The following CACNA2D4 variants were observed in gnomAD, a reference collection of about 807,000 sequenced individuals.
CACNA2D4 encodes the protein calcium voltage-gated channel auxiliary subunit alpha2delta 4, also known as voltage-dependent calcium channel subunit alpha-2/delta-4.
Under a neutral mutation model 163.8 loss-of-function variants are expected in CACNA2D4, and 157 were observed. That is an observed-to-expected ratio of 0.96 (90% CI 0.84 to 1.09). The LOEUF is 1.09. Ranked by LOEUF, CACNA2D4 falls within the 50% of genes least tolerant of loss-of-function variation. The pLI is 0.00. For missense variants in CACNA2D4, 1,410 were observed against 1,479.9 expected (o/e 0.95, Z 0.78); for synonymous variants, 598 against 586.9 (o/e 1.02, Z -0.27).
intron 29 of CACNA2D4, among the ~76,000 whole-genome samples, chr12:1,805,639 G>A (rs1863509415): frequency 6.6e-6 from 1 of 152,236 alleles, no homozygotes. Context: ...GGAGCGGGGT[G>A]GGGGTGGGGC....
chr12:1,864,334 C>T (rs1190815370), intron 18 of CACNA2D4, among the ~76,000 whole-genome samples: 1 of 152,184 alleles, frequency 6.6e-6, no homozygotes, highest in Non-Finnish European at 1.5e-5. Context: ...TACCACCGTC[C>T]CTTAGAGTTC....
intron 6 of CACNA2D4, 46 bp from the exon 7 acceptor site, chr12:1,887,115 C>T (rs1866167454): frequency 1.5e-6 from 2 of 1,366,158 alleles, no homozygotes. Context: ...GTGAGGCCAC[C>T]CCAGATCCCC....
At chr12:1,837,791 C>T (rs937073397) in intron 26 of CACNA2D4, among the ~76,000 whole-genome samples, 9 of 152,284 alleles carry the variant, frequency 5.9e-5, no homozygotes, top group South Asian at 2.1e-4. Flanking sequence ...CAAGTCTTCC[C>T]GAGCCCCACT....
Position 1,878,439 on chromosome 12 carries a change from C to T in CACNA2D4, c.1645-50G>A, listed in dbSNP as rs79680317. 0.018 allele frequency: 28,306 copies of T among 1,560,718 alleles called. 957 individuals carry two copies. The highest frequency in any genetic ancestry group is 0.14 in the African/African-American group (10,245 of 73,592). On this transcript the variant is annotated intron_variant, in intron 15 of 37. Coordinates refer to ENST00000382722, the MANE Select transcript of CACNA2D4 (RefSeq NM_172364.5). The surrounding 1 kb of genome is among the most constrained non-coding windows in gnomAD (Gnocchi z 4.6). ...CATTAGGCCTGCTGTTTGTGCTGGG[C>T]ATCTGGAGTTGGGCAGGGGTTTGGG...
At chr12:1,832,564 T>TA (rs1864681245) in intron 26 of CACNA2D4, among the ~76,000 whole-genome samples, 1 of 152,258 alleles carries the variant, frequency 6.6e-6, no homozygotes, top group South Asian at 2.1e-4. Flanking sequence ...GTTAAAGTCT[T>TA]ACTACTTTCA....
At position 1,799,676 on chromosome 12, in the gene CACNA2D4, G is replaced by C. The variant is rs1863244528; in HGVS notation, c.2994C>G (p.His998Gln). ...GATGGCCTCAGCTGGGCTACTTACAGTGATGGAAGACACTTTTGGCTGGCC... is the reference window on the plus strand; with the variant it reads ...GATGGCCTCAGCTGGGCTACTTACACTGATGGAAGACACTTTTGGCTGGCC... ...RGAEAKSVFH[H>Q]SHKHKKQDPL... Residue 998 changes from histidine (H) to glutamine (Q), a missense_variant and splice_region_variant, in exon 34 of 38, where the codon CAC (histidine) becomes CAG (glutamine). Physicochemically the swap from His to Gln is conservative, Grantham distance 24. Transcript: ENST00000382722. This position sits in a 1 kb window ranked among gnomAD's most constrained non-coding sequence, Gnocchi z 4.7. The C allele has an allele frequency of 6.4e-7, 1 of 1,570,968 alleles. No individual in the cohort carries two copies. Among genetic ancestry groups the C allele is most frequent in the Non-Finnish European group, 8.6e-7 (1 of 1,158,328 alleles).
intron 20 of CACNA2D4, among the ~76,000 whole-genome samples, chr12:1,856,591 T>C (rs948869476): frequency 1.3e-5 from 2 of 152,212 alleles, no homozygotes; most frequent in African/African-American, 4.8e-5. Flanking sequence ...CTTGTGCTTC[T>C]GCCAGACAGC....
Position 1,796,800 on chromosome 12 carries a change from G to A in CACNA2D4, c.3113+618C>T, listed in dbSNP as rs529139417. On this transcript the variant is annotated intron_variant, in intron 35 of 37. Coordinates refer to ENST00000382722, the MANE Select transcript of CACNA2D4 (RefSeq NM_172364.5). The stretch of plus-strand genomic sequence containing the variant: ...AGGAGGCCGCCGCATTCCCAGCGTG[G>A]GGGTCCTCCCGGGCTTGGGTGCGGG... Among the ~76,000 whole-genome samples, 8 of 152,316 alleles carry A rather than the reference G, an allele frequency of 5.3e-5. No homozygotes were observed. In the East Asian group the frequency reaches 1.4e-3, roughly 26 times the overall value.
At chr12:1,890,641 G>T (rs1446205891) in intron 6 of CACNA2D4, among the ~76,000 whole-genome samples, 1 of 152,124 alleles carries the variant, frequency 6.6e-6, no homozygotes, top group East Asian at 1.9e-4. Context: ...AGCCACTGCT[G>T]CCCCAACCCG....
chr12:1,915,636 C>A (rs1451284816), intron 1 of CACNA2D4, among the ~76,000 whole-genome samples: 1 of 152,240 alleles, frequency 6.6e-6, no homozygotes, highest in East Asian at 1.9e-4. Flanking sequence ...GAGGGCAGGG[C>A]AGGCCAGGAG....
Position 1,907,864 on chromosome 12 carries a change from G to A in CACNA2D4, c.649+11C>T, listed in dbSNP as rs1381606863. On this transcript the variant is annotated intron_variant, in intron 5 of 37. Coordinates refer to ENST00000382722, the MANE Select transcript of CACNA2D4 (RefSeq NM_172364.5). ...CCTGGTGAGTGTGCCTGAGCTGAGCGTGCCGGCTACCTTTGTTGTACACGT... is the reference window on the plus strand; with the variant it reads ...CCTGGTGAGTGTGCCTGAGCTGAGCATGCCGGCTACCTTTGTTGTACACGT... The A allele has an allele frequency of 1.9e-6, 3 of 1,613,906 alleles. No individual in the cohort carries two copies. Among genetic ancestry groups the A allele is most frequent in the African/African-American group, 2.7e-5 (2 of 75,068 alleles).
At chr12:1,871,739 C>T (rs949310894) in intron 18 of CACNA2D4, among the ~76,000 whole-genome samples, 4 of 151,946 alleles carry the variant, frequency 2.6e-5, no homozygotes, top group Admixed American at 2.6e-4. Context: ...GTACAATACA[C>T]GTGTGCTGCT....
rs904404520 is a variant in CACNA2D4, at chr12:1,869,238, GA to G, written c.1878+5365del. On this transcript the variant is annotated intron_variant, in intron 18 of 37. Transcript: ENST00000382722. The surrounding 1 kb of genome is among the most constrained non-coding windows in gnomAD (Gnocchi z 4.7). ...GTTTCGAGTCAGGGTCAGCCAAAGA[GA>G]AGTGTGTGTGAGATTTGCAGACAGA... 2.0e-5 allele frequency among the ~76,000 whole-genome samples: 3 copies of G among 152,252 alleles called. No homozygotes were observed. Among genetic ancestry groups the G allele is most frequent in the Non-Finnish European group, 2.9e-5 (2 of 68,036 alleles).
chr12:1,882,367 G>A (rs1592731531), intron 13 of CACNA2D4, among the ~76,000 whole-genome samples: 2 of 152,228 alleles, frequency 1.3e-5, no homozygotes, highest in South Asian at 4.1e-4. Context: ...TGGCAGAAAG[G>A]TCTCCCTTCC....
chr12:1,842,681 G>A (rs1013601242), intron 25 of CACNA2D4, among the ~76,000 whole-genome samples: 5 of 139,956 alleles, frequency 3.6e-5, no homozygotes, highest in African/African-American at 5.3e-5. Flanking sequence ...CCTGGTGAAT[G>A]CGGGCAGGAG....
At chr12:1,872,751 C>A (rs1327044422) in intron 18 of CACNA2D4, among the ~76,000 whole-genome samples, 1 of 152,138 alleles carries the variant, frequency 6.6e-6, no homozygotes, top group Admixed American at 6.5e-5. Flanking sequence ...ATGCCCTGCA[C>A]AGAGTGGAGG....
chr12:1,872,257 G>C (rs963587808), intron 18 of CACNA2D4, among the ~76,000 whole-genome samples: 2 of 152,112 alleles, frequency 1.3e-5, no homozygotes, highest in East Asian at 3.9e-4. Context: ...CCCCCTGCAC[G>C]GAGGCCTGTC....
intron 29 of CACNA2D4, chr12:1,809,535 T>C (rs1447591102): frequency 2.8e-6 from 2 of 702,994 alleles, no homozygotes; most frequent in Admixed American, 4.0e-5. Context: ...TGCTTCAGGT[T>C]TGAATGGGCT....
At chr12:1,901,042 G>C (rs1450802579) in intron 6 of CACNA2D4, among the ~76,000 whole-genome samples, 1 of 152,102 alleles carries the variant, frequency 6.6e-6, no homozygotes, top group African/African-American at 2.4e-5. Context: ...TCAACAAGAA[G>C]AGGAATTTTG....
Sources: gnomAD v4.1 joint callset for allele counts (sites outside exome capture counted in the v4.1 genomes callset) on GRCh38, gnomAD v4.1.1 for gene constraint, Gnocchi (gnomAD v3.1) non-coding constraint, MANE v1.5 for transcripts, NCBI Gene and HGNC (gene_info 2026-07-23, HGNC 2026-07-21) for gene names.